The following C5 variants were observed in gnomAD, a reference collection of about 807,000 sequenced individuals.
The protein encoded by C5 is C3 and PZP-like alpha-2-macroglobulin domain-containing protein 4.
Under a neutral mutation model 218.8 loss-of-function variants are expected in C5, and 140 were observed. The ratio of observed to expected loss-of-function variants is 0.64; its 90% CI spans 0.56 to 0.74. The LOEUF is 0.74. C5 is among the 30% of genes least tolerant of loss of function. C5 has a pLI of 0.00. For synonymous variants in C5, 614 were observed against 682.3 expected (o/e 0.90, Z 1.56); for missense variants, 1,700 against 1,969.6 (o/e 0.86, Z 2.59).
intron 25 of C5, among the ~76,000 whole-genome samples, chr9:120,987,512 G>A (rs1239902778): frequency 2.0e-5 from 3 of 151,266 alleles, no homozygotes; most frequent in South Asian, 2.1e-4. Flanking sequence ...GGTGGTGCGC[G>A]CCTGTAATCC....
At position 121,006,894 on chromosome 9, in the gene C5, A is replaced by G. The variant is rs2131740302; in HGVS notation, c.2422+10T>C. ...CTATTTAAATGCATATATCACTTAAACCTGCTTACCAGTGTTTGAAATGCC... is the reference window on the plus strand; with the variant it reads ...CTATTTAAATGCATATATCACTTAAGCCTGCTTACCAGTGTTTGAAATGCC... On this transcript the variant is annotated intron_variant, in intron 19 of 40. Coordinates refer to ENST00000223642, the MANE Select transcript of C5 (RefSeq NM_001735.3). 2 of 1,571,578 alleles carry G rather than the reference A, an allele frequency of 1.3e-6. No homozygotes were observed. Among genetic ancestry groups the G allele is most frequent in the South Asian group, 1.1e-5 (1 of 89,884 alleles).
rs771775797 is a variant in C5 at position 121,017,733 on chromosome 9, G to A, written c.1626C>T (p.Val542=). ...TCTGTTCTCCTGTGACGATGTAATA[G>A]ACCAGAAGTCGGGATGAAGGAACCA... ...QNMVPSSRLL[V]YYIVTGEQTA... Residue 542 remains valine, a synonymous_variant, in exon 13 of 41, where the codon GTC becomes GTT. Transcript: ENST00000223642. 4 of 1,612,046 alleles carry A rather than the reference G, an allele frequency of 2.5e-6. No homozygotes were observed. Among genetic ancestry groups the A allele is most frequent in the Non-Finnish European group, 1.7e-6 (2 of 1,178,188 alleles).
At chr9:121,051,805 AT>A (rs1424156909), upstream of C5, among the ~76,000 whole-genome samples, 2 of 152,178 alleles carry the variant, frequency 1.3e-5, no homozygotes, top group Non-Finnish European at 2.9e-5. Flanking sequence ...CATCTAGCCC[AT>A]TTATTTCAAA....
chr9:120,984,974 A>C (rs989794192), intron 25 of C5, among the ~76,000 whole-genome samples: 6 of 151,946 alleles, frequency 3.9e-5, no homozygotes, highest in African/African-American at 2.4e-5. Flanking sequence ...CACCCGCCTC[A>C]GCCTCCCAAA....
chr9:120,988,079 C>A (rs886783859), intron 25 of C5, among the ~76,000 whole-genome samples: 1 of 152,198 alleles, frequency 6.6e-6, no homozygotes, highest in Non-Finnish European at 1.5e-5. Context: ...GCGTGAGCCA[C>A]CATGCCCAGC....
intron 25 of C5, among the ~76,000 whole-genome samples, chr9:120,985,665 A>G (rs1055263232): frequency 6.6e-5 from 10 of 152,250 alleles, no homozygotes; most frequent in Admixed American, 1.3e-4. Flanking sequence ...GATCTAAAGT[A>G]ACTAAAAAGT....
the C5 span, among the ~76,000 whole-genome samples, chr9:121,060,559 G>A: frequency 0.51 from 77,879 of 151,862 alleles, 22,403 homozygotes; most frequent in South Asian, 0.8. Flanking sequence ...ACATGCTAAA[G>A]TCTCTGTTTT....
chr9:121,042,413 C>T (rs185377753), intron 3 of C5, among the ~76,000 whole-genome samples: 3 of 152,214 alleles, frequency 2.0e-5, no homozygotes, highest in African/African-American at 7.2e-5. Flanking sequence ...AATTAATATC[C>T]ATATATTTCT....
chr9:121,063,793 A>C, the C5 span, among the ~76,000 whole-genome samples: 1 of 152,182 alleles, frequency 6.6e-6, no homozygotes, highest in African/African-American at 2.4e-5. Context: ...CTTTTCCATG[A>C]AGGTAACCCT....
chr9:121,027,475 G>A (rs1326687671), intron 7 of C5, among the ~76,000 whole-genome samples: 2 of 152,120 alleles, frequency 1.3e-5, no homozygotes, highest in Non-Finnish European at 2.9e-5. Context: ...AAAACAGCAT[G>A]GTACTGGTAC....
chr9:121,013,831 C>A (rs765871899), intron 17 of C5, 42 bp downstream of exon 17: 6 of 1,525,616 alleles, frequency 3.9e-6, no homozygotes, highest in Non-Finnish European at 3.6e-6. Flanking sequence ...ACACAAAATT[C>A]CCCATATTGA....
chr9:120,997,889 G>A (rs1041415804), intron 20 of C5, 115 bp from the exon 21 acceptor site: 10 of 837,610 alleles, frequency 1.2e-5, no homozygotes, highest in African/African-American at 3.4e-5. Flanking sequence ...TGCAACCTCC[G>A]CCTCCCGGAT....
chr9:121,017,212 G>C, intron 14 of C5, 150 bp downstream of exon 14: 1 of 828,140 alleles, frequency 1.2e-6, no homozygotes. Flanking sequence ...TGCTTTGGGA[G>C]CTGACAGGAG....
chr9:120,978,919 G>C (rs1465001744), intron 28 of C5, among the ~76,000 whole-genome samples: 1 of 152,110 alleles, frequency 6.6e-6, no homozygotes, highest in Non-Finnish European at 1.5e-5. Flanking sequence ...TAAGACATGG[G>C]CACTCCTTGC....
chr9:120,957,453 C>T (rs936969467), intron 38 of C5, 85 bp from the exon 39 acceptor site: 37 of 1,026,878 alleles, frequency 3.6e-5, no homozygotes, highest in African/African-American at 2.7e-4. Flanking sequence ...TTGTCAAACA[C>T]GAGAAATGAA....
At chr9:121,000,023 C>A in intron 20 of C5, 2 of 357,402 alleles carry the variant, frequency 5.6e-6, no homozygotes, top group East Asian at 1.0e-4. Context: ...CTTCCCATTG[C>A]ACTCCAGCCT....
chr9:121,020,713 C>A (rs2047357761), intron 11 of C5, among the ~76,000 whole-genome samples: 1 of 152,168 alleles, frequency 6.6e-6, no homozygotes, highest in Non-Finnish European at 1.5e-5. Flanking sequence ...CCTCAGACAG[C>A]AGAAGTGTTA....
At position 120,974,817 on chromosome 9, in the gene C5, T is replaced by C. The variant is rs1361664657; in HGVS notation, c.3979A>G (p.Lys1327Glu). 6.2e-7 allele frequency: 1 copy of C among 1,614,126 alleles called. No homozygotes were observed. The highest frequency in any genetic ancestry group is 8.5e-7 in the Non-Finnish European group (1 of 1,179,932). Reference sequence around the variant, plus strand: ...CCAAGGAAATTCTTGTCTGTCATTTTATAATTATGTAAGGCACCTTTATGC... The same window carrying C: ...CCAAGGAAATTCTTGTCTGTCATTTCATAATTATGTAAGGCACCTTTATGC... ...YKHKGALHNY[K>E]MTDKNFLGRP... Residue 1327 changes from lysine (K) to glutamate (E), a missense_variant, in exon 30 of 41, where the codon AAA (lysine) becomes GAA (glutamate). Physicochemically the swap from Lys to Glu is moderately conservative, Grantham distance 56 (BLOSUM62 1). Transcript: ENST00000223642.
intron 29 of C5, 127 bp downstream of exon 29, chr9:120,976,573 A>G (rs749982933): frequency 2.3e-4 from 185 of 813,760 alleles, no homozygotes; most frequent in Non-Finnish European, 3.3e-4. Flanking sequence ...GGGTCCTTCA[A>G]TTCTAGGCAT....
Sources: allele counts gnomAD v4.1 joint callset (sites outside exome capture counted in the v4.1 genomes callset), GRCh38; gene constraint gnomAD v4.1.1; transcripts MANE v1.5; gene names NCBI Gene and HGNC (gene_info 2026-07-23, HGNC 2026-07-21).